The following OR56A1 variants were observed in gnomAD, a reference collection of about 807,000 sequenced individuals.
The protein encoded by OR56A1 is olfactory receptor family 56 subfamily A member 1, also known as olfactory receptor 56A1.
For synonymous variants in OR56A1, 174 were observed against 159.1 expected, an observed-to-expected ratio of 1.09 and a Z score of -0.70; for missense variants, 360 against 380.9, an observed-to-expected ratio of 0.94 and a Z score of 0.46.
In OR56A1 at chr11:6,026,657, A is replaced by G; in HGVS notation, c.*91T>C. The G allele has an allele frequency of 2.5e-6, 2 of 793,872 alleles. No homozygotes were observed. Among genetic ancestry groups the G allele is most frequent in the Non-Finnish European group, 4.2e-6 (2 of 479,050 alleles). The allele number at this position is 793,872 out of a possible 1,614,324, so 49.2% of individuals were successfully genotyped here. A position where few individuals can be genotyped will look rare whatever the true frequency, so the allele number is the denominator to read the frequency against. On this transcript the variant is annotated 3_prime_UTR_variant, in exon 2 of 2. Transcript: ENST00000641900. ...TGAAGGGAGCCTCAGTGCATGCAAT[A>G]AACACTCACTAACTGACATTTCTCT...
intron 1 of OR56A1, among the ~76,000 whole-genome samples, chr11:6,028,706 C>T (rs1429995924): frequency 1.3e-5 from 2 of 151,946 alleles, no homozygotes; most frequent in Admixed American, 6.6e-5. Flanking sequence ...ATTAGTACAG[C>T]CTCAAAGGAA....
chr11:6,027,525 G>A lies in OR56A1; in HGVS notation c.168C>T (p.Ala56=). 6.2e-7 allele frequency: 1 copy of A among 1,614,026 alleles called. No homozygotes were observed. Among genetic ancestry groups the A allele is most frequent in the Non-Finnish European group, 8.5e-7 (1 of 1,179,998 alleles). ...GGTAGTACAGGGGCTGGTGCAGAGAGGCCTCCAGCTGGATGGTGATCAGGA... is the reference window on the plus strand; with the variant it reads ...GGTAGTACAGGGGCTGGTGCAGAGAAGCCTCCAGCTGGATGGTGATCAGGA... ...TTLLITIQLE[A]SLHQPLYYLL... Residue 56 remains alanine, a synonymous_variant, in exon 2 of 2, where the codon GCC becomes GCT. Transcript: ENST00000641900.
rs780178315 is a variant in OR56A1 at position 6,026,985 on chromosome 11, C to A, written c.708G>T (p.Ala236=). The A allele has an allele frequency of 1.2e-6, 2 of 1,613,774 alleles. No homozygotes were observed. The highest frequency in any genetic ancestry group is 4.5e-5 in the East Asian group (2 of 44,852). ...RAVLRFKAEG[A]AVKALSTCGS... ...CACATGTGCTCAGGGCCTTCACTGC[C>A]GCCCCCTCTGCTTTGAATCTAAGCA... Residue 236 remains alanine, a synonymous_variant, in exon 2 of 2, where the codon GCG becomes GCT. Coordinates refer to ENST00000641900, the MANE Select transcript of OR56A1 (RefSeq NM_001388488.1).
chr11:6,027,345 G>A lies in OR56A1; in HGVS notation c.348C>T (p.Cys116=), dbSNP rs768332271. The change falls in exon 2 of 2, where the codon TGC becomes TGT. Residue 116 remains cysteine, a synonymous_variant. Transcript: ENST00000641900. ...IMNSFLPMES[C]TFMVMAYDRY... ...GGTCATAGGCCATGACCATAAACGT[G>A]CAGGACTCCATGGGGAGGAAACTGT... 1 of 1,614,098 alleles carries A rather than the reference G, an allele frequency of 6.2e-7. No homozygotes were observed. The highest frequency in any genetic ancestry group is 1.3e-5 in the African/African-American group (1 of 74,934).
At chr11:6,028,622 C>CA (rs1465959796) in intron 1 of OR56A1, among the ~76,000 whole-genome samples, 2 of 152,052 alleles carry the variant, frequency 1.3e-5, no homozygotes, top group East Asian at 3.9e-4. Flanking sequence ...ATCAAAAATA[C>CA]AAAAAATAAC....
chr11:6,032,410 C>T (rs1378730272), upstream of OR56A1, among the ~76,000 whole-genome samples: 1 of 152,194 alleles, frequency 6.6e-6, no homozygotes, highest in Non-Finnish European at 1.5e-5. Context: ...TCTCCCTCCA[C>T]TCTGCTGTGA....
At position 6,026,984 on chromosome 11, in the gene OR56A1, C is replaced by T; in HGVS notation, c.709G>A (p.Ala237Thr). 1 of 1,613,858 alleles carries T rather than the reference C, an allele frequency of 6.2e-7. No individual in the cohort carries two copies. Residue 237 changes from alanine (A) to threonine (T), a missense_variant, in exon 2 of 2, where the codon GCA (alanine) becomes ACA (threonine). Physicochemically the swap from Ala to Thr is moderately conservative, Grantham distance 58. Coordinates refer to ENST00000641900, the MANE Select transcript of OR56A1 (RefSeq NM_001388488.1). Reference protein sequence around the residue: ...AVLRFKAEGAAVKALSTCGSH... With the variant: ...AVLRFKAEGATVKALSTCGSH... Reference sequence around the variant, plus strand: ...CCACATGTGCTCAGGGCCTTCACTGCCGCCCCCTCTGCTTTGAATCTAAGC... The same window carrying T: ...CCACATGTGCTCAGGGCCTTCACTGTCGCCCCCTCTGCTTTGAATCTAAGC...
At position 6,027,060 on chromosome 11, in the gene OR56A1, G is replaced by A. The variant is rs775954048; in HGVS notation, c.633C>T (p.Gly211=). ...AGAGGAAGATGAGGAATAAATCTGA[G>A]CCCAGCAAGGTCCAACCAGCCACAA... ...YQFVAGWTLL[G]SDLFLIFLSY... is the part of the protein sequence containing the mutation. The change falls in exon 2 of 2, where the codon GGC becomes GGT. Residue 211 remains glycine, a synonymous_variant. Transcript: ENST00000641900. 13 of 1,614,218 alleles carry A rather than the reference G, an allele frequency of 8.1e-6. 1 individual carries two copies. The South Asian group carries it at 1.4e-4, about 18-fold the overall frequency.
chr11:6,027,695 G>C lies in OR56A1; in HGVS notation c.-3C>G, dbSNP rs1472565789. ...GAGCTGTTGCTGGGTGACGCCATAG[G>C]CTGAATCATGAGCTGAGTAGGCTTC... On this transcript the variant is annotated 5_prime_UTR_variant, in exon 2 of 2. Transcript: ENST00000641900. 3.8e-6 allele frequency: 6 copies of C among 1,577,050 alleles called. No individual in the cohort carries two copies. Among genetic ancestry groups the C allele is most frequent in the African/African-American group, 1.4e-5 (1 of 74,066 alleles).
Position 6,026,642 on chromosome 11 carries a change from C to T in OR56A1, c.*106G>A, listed in dbSNP as rs541406967. On this transcript the variant is annotated 3_prime_UTR_variant, in exon 2 of 2. Coordinates refer to ENST00000641900, the MANE Select transcript of OR56A1 (RefSeq NM_001388488.1). ...AATCTGGTTCAGTAATGAAGGGAGC[C>T]TCAGTGCATGCAATAAACACTCACT... 9.2e-5 allele frequency: 65 copies of T among 707,654 alleles called. No homozygotes were observed. The highest frequency in any genetic ancestry group is 7.6e-4 in the African/African-American group (43 of 56,222). 43.8% of individuals were successfully genotyped at this position (707,654 alleles called of 1,614,324 possible). A position where few individuals can be genotyped will look rare whatever the true frequency, so the allele number is the denominator to read the frequency against.
At chr11:6,029,113 T>C (rs1398393950) in intron 1 of OR56A1, among the ~76,000 whole-genome samples, 1 of 152,132 alleles carries the variant, frequency 6.6e-6, no homozygotes, top group Non-Finnish European at 1.5e-5. Flanking sequence ...AGTGAAATGA[T>C]TGACAATGGA....
Position 6,026,902 on chromosome 11 carries a change from G to A in OR56A1, c.791C>T (p.Thr264Ile), listed in dbSNP as rs779768577. 6.2e-7 allele frequency: 1 copy of A among 1,614,190 alleles called. No homozygotes were observed. The highest frequency in any genetic ancestry group is 1.1e-5 in the South Asian group (1 of 91,080). Residue 264 changes from threonine to isoleucine, a missense_variant, in exon 2 of 2, where the codon ACA becomes ATA. Transcript: ENST00000641900. ...GGGGACCTTCTTTCTGGCCACGTTT[G>A]TCAACACCACAACCAGCAGTATGGT... ...FSTILLVVVL[T>I]NVARKKVPMD...
intron 1 of OR56A1, among the ~76,000 whole-genome samples, chr11:6,030,193 A>G (rs1848498943): frequency 6.6e-6 from 1 of 152,186 alleles, no homozygotes; most frequent in South Asian, 2.1e-4. Flanking sequence ...AAAAGTAAAT[A>G]TTGCCTCCTA....
intron 1 of OR56A1, among the ~76,000 whole-genome samples, chr11:6,028,118 AC>A (rs1282882952): frequency 6.6e-6 from 1 of 152,114 alleles, no homozygotes; most frequent in Non-Finnish European, 1.5e-5. Context: ...TCTACTATAC[AC>A]CAATATAATT....
Position 6,019,842 on chromosome 11 carries a change from C to T in OR56A1, c.*6906G>A, listed in dbSNP as rs561820500. 5.3e-5 allele frequency: 8 copies of T among 152,208 alleles called. No individual in the cohort carries two copies. The highest frequency in any genetic ancestry group is 1.7e-4 in the African/African-American group (7 of 41,558). The allele number at this position is 152,208 out of a possible 1,614,324, so 9.4% of individuals were successfully genotyped here. ...AAGCATTTAGGCACAGTATTCAATT[C>T]GTCAGTCACTCTGTGAATTCAAGTA... On this transcript the variant is annotated 3_prime_UTR_variant, in exon 2 of 2. Transcript: ENST00000641900.
In OR56A1 at chr11:6,027,177, A is replaced by G. The variant is rs771859259; in HGVS notation, c.516T>C (p.Cys172=). 45 of 1,614,116 alleles carry G rather than the reference A, an allele frequency of 2.8e-5. No individual in the cohort carries two copies. The South Asian group carries it at 4.4e-4, about 16-fold the overall frequency. The part of the protein sequence containing the change: ...IPILTSLLHY[C]GENVIENCIC... ...TGCAGTTCTCAATGACATTTTCCCC[A>G]CAGTAATGGAGCAGGGAAGTGAGGA... The change falls in exon 2 of 2, where the codon TGT becomes TGC. Residue 172 remains cysteine (C), a synonymous_variant. Transcript: ENST00000641900.
rs763436713 is a variant in OR56A1 at position 6,026,768 on chromosome 11, A to G, written c.925T>C (p.Leu309=). The change falls in exon 2 of 2, where the codon TTA becomes CTA. Residue 309 remains leucine, a synonymous_variant. Coordinates refer to ENST00000641900, the MANE Select transcript of OR56A1 (RefSeq NM_001388488.1). ...TKEIKQGIQK[L]LQRGR is the part of the protein sequence containing the mutation. Reference sequence around the variant, plus strand: ...CATATTCACCTCCCTCTCTGCAGTAACTTCTGAATTCCCTGTTTTATCTCT... The same window carrying G: ...CATATTCACCTCCCTCTCTGCAGTAGCTTCTGAATTCCCTGTTTTATCTCT... 2.5e-6 allele frequency: 4 copies of G among 1,599,444 alleles called. No individual in the cohort carries two copies. The highest frequency in any genetic ancestry group is 3.4e-6 in the Non-Finnish European group (4 of 1,171,256).
chr11:6,032,481 T>C (rs552249996), upstream of OR56A1, among the ~76,000 whole-genome samples: 11 of 152,292 alleles, frequency 7.2e-5, no homozygotes, highest in South Asian at 2.1e-4. Context: ...TAACACCCCA[T>C]AGATTCTTAA....
At chr11:6,032,584 A>T (rs1590492085), upstream of OR56A1, among the ~76,000 whole-genome samples, 2 of 152,290 alleles carry the variant, frequency 1.3e-5, no homozygotes, top group East Asian at 3.9e-4. Context: ...AAGGAGAATT[A>T]ACCACAGTTT....
Sources: gnomAD v4.1 joint callset for allele counts (sites outside exome capture counted in the v4.1 genomes callset) on GRCh38, gnomAD v4.1.1 for gene constraint, MANE v1.5 for transcripts, NCBI Gene and HGNC (gene_info 2026-07-23, HGNC 2026-07-21) for gene names.